NDST1: variants seen among roughly 807,000 people sequenced by gnomAD.
NDST1 encodes bifunctional heparan sulfate N-deacetylase/N-sulfotransferase 1.
Under a neutral mutation model 92.8 loss-of-function variants are expected in NDST1, and 35 were observed. That is an observed-to-expected ratio of 0.38 (90% confidence interval 0.29 to 0.50). The LOEUF (loss-of-function observed/expected upper bound fraction) is 0.50, where lower values mean the gene tolerates loss of function less well. Among genes scored for constraint, NDST1 ranks in the 20% least tolerant of loss-of-function variants. NDST1 has a pLI of 0.94. For synonymous variants in NDST1, 493 were observed against 500.3 expected (o/e 0.99, Z 0.19); for missense variants, 822 against 1,182.7 (o/e 0.69, Z 4.47).
At position 150,521,895 on chromosome 5, in the gene NDST1, T is replaced by A; in HGVS notation, c.513+128T>A. Reference sequence around the variant, plus strand: ...GGGGTTGTTGGGAGGGTTAAATGAGTGAGTATATGTAAAGCACTGGGAGCA... The same window carrying A: ...GGGGTTGTTGGGAGGGTTAAATGAGAGAGTATATGTAAAGCACTGGGAGCA... On this transcript the variant is annotated intron_variant, in intron 2 of 14. Coordinates refer to ENST00000261797, the MANE Select transcript of NDST1 (RefSeq NM_001543.5). This position sits in a 1 kb window ranked among gnomAD's most constrained non-coding sequence, Gnocchi z 5.9. The A allele has an allele frequency of 8.1e-7, 1 of 1,228,204 alleles. No individual in the cohort carries two copies. The highest frequency in any genetic ancestry group is 1.2e-6 in the Non-Finnish European group (1 of 857,390). 76.1% of individuals were successfully genotyped at this position (1,228,204 alleles called of 1,614,324 possible). A position where few individuals can be genotyped will look rare whatever the true frequency, so the allele number is the denominator to read the frequency against.
At chr5:150,511,662 G>T (rs939187171) in intron 1 of NDST1, among the ~76,000 whole-genome samples, 1 of 152,092 alleles carries the variant, frequency 6.6e-6, no homozygotes, top group Non-Finnish European at 1.5e-5. Context: ...TCTCTTTCCC[G>T]GTGGTGGTGG....
At chr5:150,547,780 A>G (rs1833574) in intron 11 of NDST1, among the ~76,000 whole-genome samples, 52,381 of 152,012 alleles carry the variant, frequency 0.34, 10,986 homozygotes, top group African/African-American at 0.59. Context: ...CCACCCCCCG[A>G]GTTTAAGCGA....
rs146085225 is a variant in NDST1 at position 150,548,343 on chromosome 5, C to T, written c.2271C>T (p.Tyr757=). The change falls in exon 12 of 15, where the codon TAC becomes TAT. Residue 757 remains tyrosine (Y), a synonymous_variant. Transcript: ENST00000261797. The part of the protein sequence containing the change: ...LQNRCLVPGW[Y]ATHIERWLSA... ...ACCGCTGCCTGGTCCCTGGCTGGTA[C>T]GCCACCCACATCGAGCGCTGGCTCA... 1,924 of 1,613,858 alleles carry T rather than the reference C, an allele frequency of 1.2e-3. 2 individuals are homozygous for T. Among genetic ancestry groups the T allele is most frequent in the Admixed American group, 1.6e-3 (98 of 60,026 alleles).
chr5:150,514,110 G>C (rs1753850482), intron 1 of NDST1, among the ~76,000 whole-genome samples: 1 of 152,238 alleles, frequency 6.6e-6, no homozygotes, highest in South Asian at 2.1e-4. Context: ...AGGTTCCTCT[G>C]CAGGCTCTGG....
rs1755791891 is a variant in NDST1, at chr5:150,553,071, C to T, written c.2530-142C>T. 2 of 799,960 alleles carry T rather than the reference C, an allele frequency of 2.5e-6. No individual in the cohort carries two copies. Among genetic ancestry groups the T allele is most frequent in the Admixed American group, 3.7e-5 (2 of 54,498 alleles). 49.6% of individuals were successfully genotyped at this position (799,960 alleles called of 1,614,324 possible). A position where few individuals can be genotyped will look rare whatever the true frequency, so the allele number is the denominator to read the frequency against. ...GGCCAGGCTGGTCTTGAACTCCTGA[C>T]CTCAGGTGATCCACATGCCTCGGCC... On this transcript the variant is annotated intron_variant, in intron 14 of 14. Coordinates refer to ENST00000261797, the MANE Select transcript of NDST1 (RefSeq NM_001543.5). The surrounding 1 kb of genome is among the most constrained non-coding windows in gnomAD (Gnocchi z 4.2).
At chr5:150,537,538 T>C (rs1411040106) in intron 6 of NDST1, among the ~76,000 whole-genome samples, 1 of 152,218 alleles carries the variant, frequency 6.6e-6, no homozygotes, top group Non-Finnish European at 1.5e-5. Flanking sequence ...AGTTCCCACC[T>C]AACAAATTTT....
chr5:150,519,606 T>TA (rs1005875317), intron 1 of NDST1, among the ~76,000 whole-genome samples: 58 of 152,080 alleles, frequency 3.8e-4, no homozygotes, highest in African/African-American at 1.3e-3. Flanking sequence ...GAGAATCACT[T>TA]AAACTGGGGA....
At chr5:150,518,348 C>T (rs1754079506) in intron 1 of NDST1, among the ~76,000 whole-genome samples, 1 of 151,462 alleles carries the variant, frequency 6.6e-6, no homozygotes. Flanking sequence ...TGCCTATTTT[C>T]TTGGCTGCCT....
intron 1 of NDST1, among the ~76,000 whole-genome samples, chr5:150,520,374 A>G (rs1186676019): frequency 2.6e-5 from 4 of 151,842 alleles, no homozygotes; most frequent in African/African-American, 7.3e-5. Context: ...CATCTATCAT[A>G]TGGGGCTGCT....
intron 3 of NDST1, among the ~76,000 whole-genome samples, chr5:150,529,080 T>C (rs1754598750): frequency 6.6e-6 from 1 of 152,114 alleles, no homozygotes. Context: ...GACAGTGGAA[T>C]GCATGTGTTT....
intron 1 of NDST1, among the ~76,000 whole-genome samples, chr5:150,501,042 C>T (rs1250460906): frequency 6.6e-6 from 1 of 152,190 alleles, no homozygotes; most frequent in Non-Finnish European, 1.5e-5. Context: ...GGCATGAAAC[C>T]GGTTGGGTGT....
chr5:150,546,927 G>C (rs1755512049), intron 11 of NDST1, among the ~76,000 whole-genome samples: 1 of 152,234 alleles, frequency 6.6e-6, no homozygotes, highest in Admixed American at 6.5e-5. Context: ...CTGCCGTGCT[G>C]TGTGCCCCCG....
Position 150,520,953 on chromosome 5 carries a change from C to G in NDST1, c.-302C>G, listed in dbSNP as rs1754219994. On this transcript the variant is annotated 5_prime_UTR_variant, in exon 2 of 15. Coordinates refer to ENST00000261797, the MANE Select transcript of NDST1 (RefSeq NM_001543.5). ...TCCTCTGGCCTGCTGCCCTGCACCC[C>G]CAGAAGGCCCTGACGCCCTGGGGCA... 1 of 557,076 alleles carries G rather than the reference C, an allele frequency of 1.8e-6. No individual in the cohort carries two copies. Among genetic ancestry groups the G allele is most frequent in the Admixed American group, 3.4e-5 (1 of 29,008 alleles). The allele number at this position is 557,076 out of a possible 1,614,324, so 34.5% of individuals were successfully genotyped here. A position where few individuals can be genotyped will look rare whatever the true frequency, so the allele number is the denominator to read the frequency against.
intron 5 of NDST1, 44 bp downstream of exon 5, chr5:150,535,065 C>T: frequency 6.3e-7 from 1 of 1,588,218 alleles, no homozygotes; most frequent in Non-Finnish European, 8.6e-7. Context: ...GGGCTAAGGG[C>T]TGGGCTGGAG....
rs56170880 is a variant in NDST1 at position 150,516,976 on chromosome 5, A to AGTGTGTGTGT, written c.-387-3859_-387-3850dup. Among the ~76,000 whole-genome samples, 154 of 143,760 alleles carry AGTGTGTGTGT rather than the reference A, an allele frequency of 1.1e-3. 2 individuals carry two copies. The highest frequency in any genetic ancestry group is 3.5e-3 in the East Asian group (17 of 4,846). 94.3% of individuals were successfully genotyped at this position (143,760 alleles called of 152,430 possible). A position where few individuals can be genotyped will look rare whatever the true frequency, so the allele number is the denominator to read the frequency against. On this transcript the variant is annotated intron_variant, in intron 1 of 14. Transcript: ENST00000261797. ...CCACCACACCATTATGACATTTTCT[A>AGTGTGTGTGT]GTGTGTGTGTGTGTGTGTGTGTGTG...
chr5:150,509,632 C>T (rs1430838699), intron 1 of NDST1, among the ~76,000 whole-genome samples: 1 of 152,182 alleles, frequency 6.6e-6, no homozygotes, highest in South Asian at 2.1e-4. Flanking sequence ...CCTGCCTCAG[C>T]CTCTGGAGTT....
Position 150,535,900 on chromosome 5 carries a change from G to A in NDST1, c.1437+15G>A. ...ATGGCATCATGGTGAGTGGGCCCCT[G>A]GAAGCCCAGGAGGTGGGAGAATGGA... On this transcript the variant is annotated intron_variant, in intron 6 of 14. Transcript: ENST00000261797. The A allele has an allele frequency of 6.2e-7, 1 of 1,611,030 alleles. No homozygotes were observed. The highest frequency in any genetic ancestry group is 8.5e-7 in the Non-Finnish European group (1 of 1,178,650).
At chr5:150,531,374 CA>C (rs2151283355) in intron 3 of NDST1, among the ~76,000 whole-genome samples, 1 of 152,306 alleles carries the variant, frequency 6.6e-6, no homozygotes, top group Admixed American at 6.5e-5. Context: ...CATGCACGTC[CA>C]CCAGGCGGTG....
rs367777573 is a variant in NDST1 at position 150,521,500 on chromosome 5, C to T, written c.246C>T (p.Asp82=). The change falls in exon 2 of 15, where the codon GAC becomes GAT. Residue 82 remains aspartate (D), a synonymous_variant. Transcript: ENST00000261797. This position sits in a 1 kb window ranked among gnomAD's most constrained non-coding sequence, Gnocchi z 5.9. ...AGGCAGCCACCCCTTCCCGCACAGA[C>T]CCGTTGGTGCTGGTCTTTGTGGAGA... The part of the protein sequence containing the change: ...PVQAATPSRT[D]PLVLVFVESL... The T allele has an allele frequency of 3.1e-6, 5 of 1,613,932 alleles. No homozygotes were observed. Among genetic ancestry groups the T allele is most frequent in the African/African-American group, 1.3e-5 (1 of 74,946 alleles).
Sources: allele counts gnomAD v4.1 joint callset (sites outside exome capture counted in the v4.1 genomes callset), GRCh38; gene constraint gnomAD v4.1.1; non-coding constraint Gnocchi (gnomAD v3.1); transcripts MANE v1.5; gene names NCBI Gene and HGNC (gene_info 2026-07-23, HGNC 2026-07-21).